The following LRRC66 variants were observed in gnomAD, a reference collection of about 807,000 sequenced individuals.
The protein encoded by LRRC66 is leucine rich repeat containing 66, also known as leucine-rich repeat-containing protein 66.
In LRRC66, 29 loss-of-function variants were observed where a neutral mutation model predicts 24.6. The observed-to-expected ratio is 1.18, with a 90% CI of 0.88 to 1.61. LRRC66 has a LOEUF of 1.61. Ranked by LOEUF, LRRC66 falls within the 40% of genes most tolerant of loss-of-function variation. LRRC66 has a pLI of 0.00. For missense variants in LRRC66, 1,124 were observed against 1,058.0 expected, an observed-to-expected ratio of 1.06 and a Z score of -0.87; for synonymous variants, 411 against 397.6, an observed-to-expected ratio of 1.03 and a Z score of -0.40.
chr4:52,008,858 A>AT (rs1736641147), intron 2 of LRRC66, among the ~76,000 whole-genome samples: 1 of 152,094 alleles, frequency 6.6e-6, no homozygotes. Flanking sequence ...TAGGTTAAAT[A>AT]TTTTTTCTTA....
At chr4:52,012,295 T>C (rs1326003102) in intron 2 of LRRC66, among the ~76,000 whole-genome samples, 1 of 152,166 alleles carries the variant, frequency 6.6e-6, no homozygotes, top group Non-Finnish European at 1.5e-5. Context: ...GAGAATCCTC[T>C]TATTTAACTC....
rs1034354930 is a variant in LRRC66 at position 51,993,705 on chromosome 4, A to G, written c.*674T>C. ...AAAGTGGCCCCTCTTCTCTTTTAACATAACTTATTTAAAAACATTTATATT... is the reference window on the plus strand; with the variant it reads ...AAAGTGGCCCCTCTTCTCTTTTAACGTAACTTATTTAAAAACATTTATATT... On this transcript the variant is annotated 3_prime_UTR_variant, in exon 5 of 5. Coordinates refer to ENST00000682860, the MANE Select transcript of LRRC66 (RefSeq NM_001024611.3). 7 of 152,222 alleles carry G rather than the reference A, an allele frequency of 4.6e-5. No homozygotes were observed. The highest frequency in any genetic ancestry group is 2.6e-4 in the Admixed American group (4 of 15,282). 9.4% of individuals were successfully genotyped at this position (152,222 alleles called of 1,614,324 possible). A position where few individuals can be genotyped will look rare whatever the true frequency, so the allele number is the denominator to read the frequency against.
Position 51,994,545 on chromosome 4 carries a change from T to C in LRRC66, c.2477A>G (p.Tyr826Cys), listed in dbSNP as rs1382694229. 2 of 1,614,200 alleles carry C rather than the reference T, an allele frequency of 1.2e-6. No individual in the cohort carries two copies. Among genetic ancestry groups the C allele is most frequent in the South Asian group, 2.2e-5 (2 of 91,076 alleles). ...TGCCTTGGATTGAAGAGCTGTGTCATAATCATAAGTGAACATGCCCGGAAA... is the reference window on the plus strand; with the variant it reads ...TGCCTTGGATTGAAGAGCTGTGTCACAATCATAAGTGAACATGCCCGGAAA... ...DEFPGMFTYDYDTALQSKAAE... is the reference protein window; with the variant it reads ...DEFPGMFTYDCDTALQSKAAE... Residue 826 changes from tyrosine (Y) to cysteine (C), a missense_variant, in exon 5 of 5, where the codon TAT becomes TGT. Transcript: ENST00000682860.
chr4:52,004,220 GT>G (rs929545226), intron 2 of LRRC66, among the ~76,000 whole-genome samples: 11 of 152,266 alleles, frequency 7.2e-5, no homozygotes, highest in African/African-American at 2.2e-4. Context: ...TGTTGGTCAG[GT>G]TGGTCTCGAA....
rs760394463 is a variant in LRRC66 at position 51,995,766 on chromosome 4, G to A, written c.1256C>T (p.Ala419Val). The A allele has an allele frequency of 3.7e-6, 6 of 1,613,968 alleles. No homozygotes were observed. The highest frequency in any genetic ancestry group is 2.2e-5 in the East Asian group (1 of 44,860). Residue 419 changes from alanine to valine, a missense_variant, in exon 5 of 5, where the codon GCG becomes GTG. Transcript: ENST00000682860. ...CQSKSPGLDNAYSNEGFYDDM... is the reference protein window; with the variant it reads ...CQSKSPGLDNVYSNEGFYDDM... ...ATCGTAGAAGCCCTCGTTTGAATAC[G>A]CGTTGTCCAGGCCAGGGCTTTTGCT...
At chr4:52,018,909 TC>T in intron 1 of LRRC66, among the ~76,000 whole-genome samples, 1 of 152,196 alleles carries the variant, frequency 6.6e-6, no homozygotes, top group Non-Finnish European at 1.5e-5. Context: ...GGAGTTTCGC[TC>T]TTGTTACCCA....
rs142747530 is a variant in LRRC66, at chr4:52,001,019, G to A, written c.666+2204C>T. Among the ~76,000 whole-genome samples the A allele has an allele frequency of 2.0e-3, 302 of 152,224 alleles. 5 individuals are homozygous for A. The highest frequency in any genetic ancestry group is 6.6e-3 in the African/African-American group (272 of 41,518). Reference sequence around the variant, plus strand: ...CATGTATTCATTCCTTTGTTTATTCGATAAGTATTTTAAAATATGTGTTAG... The same window carrying A: ...CATGTATTCATTCCTTTGTTTATTCAATAAGTATTTTAAAATATGTGTTAG... On this transcript the variant is annotated intron_variant, in intron 3 of 4. Transcript: ENST00000682860.
In LRRC66 at chr4:51,995,033, G is replaced by T. The variant is rs1736262158; in HGVS notation, c.1989C>A (p.Asp663Glu). 1 of 1,614,124 alleles carries T rather than the reference G, an allele frequency of 6.2e-7. No individual in the cohort carries two copies. The highest frequency in any genetic ancestry group is 8.5e-7 in the Non-Finnish European group (1 of 1,180,032). Reference protein sequence around the residue: ...YSEVPYGDPRDTGPSVFPPRW... With the variant: ...YSEVPYGDPRETGPSVFPPRW... ...TTGGAGGAAAGACTGATGGGCCTGT[G>T]TCTCTTGGGTCACCGTATGGAACCT... Residue 663 changes from aspartate (D) to glutamate (E), a missense_variant, in exon 5 of 5, where the codon GAC becomes GAA. Physicochemically the swap from Asp to Glu is conservative, Grantham distance 45. Coordinates refer to ENST00000682860, the MANE Select transcript of LRRC66 (RefSeq NM_001024611.3).
intron 2 of LRRC66, among the ~76,000 whole-genome samples, chr4:52,003,888 T>C (rs1736513948): frequency 6.6e-6 from 1 of 152,196 alleles, no homozygotes; most frequent in Admixed American, 6.5e-5. Context: ...GTGATAAATA[T>C]TTATTTGTTT....
intron 1 of LRRC66, among the ~76,000 whole-genome samples, chr4:52,019,603 G>A (rs1009004593): frequency 8.5e-5 from 13 of 152,178 alleles, no homozygotes; most frequent in African/African-American, 3.1e-4. Flanking sequence ...CAGCATGGAG[G>A]AGTGATTTAT....
In LRRC66 at chr4:51,994,491, A is replaced by G; in HGVS notation, c.2531T>C (p.Leu844Ser). 4 of 1,614,232 alleles carry G rather than the reference A, an allele frequency of 2.5e-6. No homozygotes were observed. Among genetic ancestry groups the G allele is most frequent in the Non-Finnish European group, 3.4e-6 (4 of 1,180,042 alleles). Residue 844 changes from leucine to serine, a missense_variant, in exon 5 of 5, where the codon TTA (leucine) becomes TCA (serine). Physicochemically the swap from Leu to Ser is moderately radical, Grantham distance 145 (BLOSUM62 -2). Transcript: ENST00000682860. ...AAEWHCSLRD[L>S]EFSNVDVLQQ... ...TAAAACGTCCACATTTGAAAATTCT[A>G]AGTCTCTAAGTGAGCAATGCCATTC...
intron 2 of LRRC66, among the ~76,000 whole-genome samples, chr4:52,011,421 G>A (rs1299713970): frequency 6.6e-6 from 1 of 152,190 alleles, no homozygotes; most frequent in East Asian, 1.9e-4. Context: ...TCAGAGGACA[G>A]ATCAAAAAGT....
intron 3 of LRRC66, among the ~76,000 whole-genome samples, chr4:52,002,483 T>G (rs1209558471): frequency 1.3e-5 from 2 of 151,620 alleles, no homozygotes; most frequent in Admixed American, 1.3e-4. Context: ...GGGAAGGGTG[T>G]GGAGAAAAGT....
intron 2 of LRRC66, among the ~76,000 whole-genome samples, chr4:52,013,376 G>A (rs558025644): frequency 6.6e-6 from 1 of 152,184 alleles, no homozygotes; most frequent in African/African-American, 2.4e-5. Flanking sequence ...ATGTGAGGCT[G>A]CTACATTTGG....
intron 2 of LRRC66, among the ~76,000 whole-genome samples, chr4:52,011,364 T>C (rs533919064): frequency 6.6e-6 from 1 of 152,176 alleles, no homozygotes; most frequent in African/African-American, 2.4e-5. Context: ...TTGTTTTAAT[T>C]ATCTTGATAG....
rs769366464 is a variant in LRRC66 at position 51,995,823 on chromosome 4, T to A, written c.1199A>T (p.Tyr400Phe). 6.2e-7 allele frequency: 1 copy of A among 1,614,118 alleles called. No homozygotes were observed. The highest frequency in any genetic ancestry group is 8.5e-7 in the Non-Finnish European group (1 of 1,180,014). The part of the protein sequence containing the change: ...AFSLGAFTRP[Y>F]VDRLWQKKCQ... ...CTTTTTTTGCCACAGTCTGTCAACA[T>A]AAGGCCTTGTGAAAGCCCCCAGGCT... The change falls in exon 5 of 5, where the codon TAT (tyrosine) becomes TTT (phenylalanine). Residue 400 changes from tyrosine (Y) to phenylalanine (F), a missense_variant. Coordinates refer to ENST00000682860, the MANE Select transcript of LRRC66 (RefSeq NM_001024611.3).
At position 51,995,719 on chromosome 4, in the gene LRRC66, T is replaced by A; in HGVS notation, c.1303A>T (p.Thr435Ser). The A allele has an allele frequency of 1.2e-6, 2 of 1,614,128 alleles. No homozygotes were observed. The highest frequency in any genetic ancestry group is 8.5e-7 in the Non-Finnish European group (1 of 1,180,010). Residue 435 changes from threonine (T) to serine (S), a missense_variant, in exon 5 of 5, where the codon ACA becomes TCA. Physicochemically the swap from Thr to Ser is moderately conservative, Grantham distance 58. Coordinates refer to ENST00000682860, the MANE Select transcript of LRRC66 (RefSeq NM_001024611.3). The part of the protein sequence containing the change: ...FYDDMEAAGH[T>S]PHPETHLRQV... ...CGCAGATGGGTCTCTGGGTGTGGTG[T>A]GTGCCCCGCAGCTTCCATGTCATCG...
intron 1 of LRRC66, among the ~76,000 whole-genome samples, chr4:52,019,223 T>A (rs1736889117): frequency 6.6e-6 from 1 of 152,202 alleles, no homozygotes; most frequent in Admixed American, 6.5e-5. Context: ...TCTTATGGCC[T>A]GGTCATTTTT....
At position 51,995,174 on chromosome 4, in the gene LRRC66, C is replaced by A. The variant is rs758200364; in HGVS notation, c.1848G>T (p.Ser616=). ...RGGTEQSLWD[S]QMEFSKERQV... ...GCCTTTCCTTAGAAAATTCCATCTG[C>A]GAGTCCCAAAGTGACTGTTCAGTGC... Residue 616 remains serine, a synonymous_variant, in exon 5 of 5, where the codon TCG becomes TCT. Coordinates refer to ENST00000682860, the MANE Select transcript of LRRC66 (RefSeq NM_001024611.3). 6.2e-7 allele frequency: 1 copy of A among 1,614,108 alleles called. No individual in the cohort carries two copies. The highest frequency in any genetic ancestry group is 1.3e-5 in the African/African-American group (1 of 74,944).
Sources: gnomAD v4.1 joint callset for allele counts (sites outside exome capture counted in the v4.1 genomes callset) on GRCh38, gnomAD v4.1.1 for gene constraint, MANE v1.5 for transcripts, NCBI Gene and HGNC (gene_info 2026-07-23, HGNC 2026-07-21) for gene names.